Variants in PRKAR1A observed in about 807,000 individuals in gnomAD.
The protein encoded by PRKAR1A is cAMP-dependent protein kinase type I-alpha regulatory subunit.
PRKAR1A carries 3 observed loss-of-function variants against 52.0 expected under a neutral mutation model. The observed-to-expected ratio is 0.06, with a 90% CI of 0.03 to 0.15. The LOEUF is 0.15. PRKAR1A is among the 10% of genes least tolerant of loss of function. The probability of loss-of-function intolerance (pLI) is 1.00; values close to 1 mark genes in which losing one functional copy is unlikely to be tolerated. For missense variants in PRKAR1A, 240 were observed against 477.4 expected (o/e 0.50, Z 4.63); for synonymous variants, 188 against 168.4 (o/e 1.12, Z -0.90).
chr17:68,534,022 T>C (rs2086043381), downstream of PRKAR1A, among the ~76,000 whole-genome samples: 1 of 152,142 alleles, frequency 6.6e-6, no homozygotes, highest in South Asian at 2.1e-4. Context: ...AGCGTGCCCG[T>C]CTCCCAAAGG....
chr17:68,426,148 C>T, the PRKAR1A span: 27 of 1,612,058 alleles, frequency 1.7e-5, no homozygotes, highest in South Asian at 3.3e-5. Flanking sequence ...AACTTCTCCT[C>T]GCAGCGCCCC....
At chr17:68,515,860 A>G (rs2085416192) in intron 2 of PRKAR1A, 2 of 415,978 alleles carry the variant, frequency 4.8e-6, no homozygotes, top group Non-Finnish European at 8.9e-6. Flanking sequence ...TAGAACTATA[A>G]CAGATAAAAC....
chr17:68,507,694 T>C (rs1327742360), upstream of PRKAR1A, among the ~76,000 whole-genome samples: 1 of 152,044 alleles, frequency 6.6e-6, no homozygotes, highest in Admixed American at 6.6e-5. Context: ...AGGAAACCAC[T>C]ATCTTTTCAC....
At chr17:68,483,333 A>G in the PRKAR1A span, among the ~76,000 whole-genome samples, 1 of 151,970 alleles carries the variant, frequency 6.6e-6, no homozygotes, top group Non-Finnish European at 1.5e-5. Flanking sequence ...ATACAAAAAT[A>G]AGCTGGGCAT....
At chr17:68,527,588 A>G (rs992905925) in intron 7 of PRKAR1A, 3 of 455,088 alleles carry the variant, frequency 6.6e-6, no homozygotes, top group Non-Finnish European at 1.2e-5. Context: ...GAAATATGTC[A>G]ACATACTGGT....
At chr17:68,472,928 G>A in the PRKAR1A span, among the ~76,000 whole-genome samples, 1 of 152,024 alleles carries the variant, frequency 6.6e-6, no homozygotes, top group African/African-American at 2.4e-5. Flanking sequence ...CTGGGTGACA[G>A]AGTGATACTC....
At chr17:68,483,580 G>C in the PRKAR1A span, among the ~76,000 whole-genome samples, 428 of 152,268 alleles carry the variant, frequency 2.8e-3, 1 homozygote, top group African/African-American at 9.7e-3. Context: ...TCAATTGTCA[G>C]GCCAGGTGCG....
chr17:68,417,905 T>C, the PRKAR1A span, among the ~76,000 whole-genome samples: 1 of 151,906 alleles, frequency 6.6e-6, no homozygotes, highest in South Asian at 2.1e-4. Flanking sequence ...TAATTTTTTA[T>C]ATTTTTAGTA....
At chr17:68,542,919 G>C in intron 11 of PRKAR1A, 1 of 841,850 alleles carries the variant, frequency 1.2e-6, no homozygotes, top group African/African-American at 1.7e-5. Context: ...ACCCAGGAGG[G>C]TGGCCGGTGA....
At chr17:68,489,168 G>T in the PRKAR1A span, among the ~76,000 whole-genome samples, 4 of 115,304 alleles carry the variant, frequency 3.5e-5, no homozygotes, top group Non-Finnish European at 6.9e-5. Flanking sequence ...AATACTAAGT[G>T]AGCACCCATC....
rs2143414591 is a variant in PRKAR1A at position 68,533,374 on chromosome 17, C to A, written c.*2925C>A. On this transcript the variant is annotated 3_prime_UTR_variant, in exon 11 of 11. Coordinates refer to ENST00000589228, the MANE Select transcript of PRKAR1A (RefSeq NM_002734.5). ...CTTTTCTAGATTCAGTAATCCCTTC[C>A]CCCCGTCCTCTGGAGTATGAAACCT... 1 of 1,062,114 alleles carries A rather than the reference C, an allele frequency of 9.4e-7. No homozygotes were observed. Among genetic ancestry groups the A allele is most frequent in the Admixed American group, 5.4e-5 (1 of 18,650 alleles). The allele number at this position is 1,062,114 out of a possible 1,614,324, so 65.8% of individuals were successfully genotyped here.
rs571540610 is a variant in PRKAR1A, at chr17:68,528,783, A to G, written c.770-87A>G. ...ACTAGAATGTTGAATGGGCATGGCT[A>G]TTTGGTTGAATCTCTTTATACTTTC... On this transcript the variant is annotated intron_variant, in intron 8 of 10. Transcript: ENST00000589228. 31 of 1,535,098 alleles carry G rather than the reference A, an allele frequency of 2.0e-5. 1 individual carries two copies. The East Asian group carries it at 6.1e-4, about 30-fold the overall frequency.
intron 11 of PRKAR1A, among the ~76,000 whole-genome samples, chr17:68,550,876 A>G (rs1486429522): frequency 2.0e-5 from 3 of 152,234 alleles, no homozygotes; most frequent in Non-Finnish European, 4.4e-5. Context: ...TCGCCAAAGC[A>G]GTTGGGACTG....
chr17:68,540,733 G>T, intron 11 of PRKAR1A: 1 of 1,283,742 alleles, frequency 7.8e-7, no homozygotes, highest in Non-Finnish European at 1.1e-6. Flanking sequence ...GCTGTGGGAG[G>T]TGCAGAGTTA....
intron 7 of PRKAR1A, 23 bp downstream of exon 7, chr17:68,525,935 A>G (rs759585861): frequency 1.2e-5 from 19 of 1,612,462 alleles, no homozygotes. Flanking sequence ...GGTGTTTGAG[A>G]GTGTGATTTA....
chr17:68,524,341 A>G (rs1025542120), intron 5 of PRKAR1A, among the ~76,000 whole-genome samples: 4 of 152,200 alleles, frequency 2.6e-5, no homozygotes, highest in African/African-American at 9.6e-5. Context: ...TGAATGTCAT[A>G]TAGAATTGCA....
intron 2 of PRKAR1A, among the ~76,000 whole-genome samples, chr17:68,522,444 A>G (rs1054142853): frequency 9.9e-5 from 15 of 152,216 alleles, no homozygotes; most frequent in Admixed American, 2.0e-4. Flanking sequence ...TGCATCACAG[A>G]TAATTGTTGT....
Position 68,530,566 on chromosome 17 carries a change from CTG to C in PRKAR1A, c.*119_*120del, listed in dbSNP as rs2085948190. 2 of 1,585,464 alleles carry C rather than the reference CTG, an allele frequency of 1.3e-6. No homozygotes were observed. The highest frequency in any genetic ancestry group is 1.8e-5 in the Admixed American group (1 of 55,576). On this transcript the variant is annotated 3_prime_UTR_variant, in exon 11 of 11. Transcript: ENST00000589228. Reference sequence around the variant, plus strand: ...GGCCACTGGCATCGCAGCTTCCTGTCTGTTTATATATTGAAAGTTGCTTTTAT... The same window carrying C: ...GGCCACTGGCATCGCAGCTTCCTGTCTTTATATATTGAAAGTTGCTTTTAT...
chr17:68,426,254 G>GGGGGGGGGGGGGGT, the PRKAR1A span: 1 of 816,922 alleles, frequency 1.2e-6, no homozygotes, highest in Non-Finnish European at 1.9e-6. Context: ...GGGAGCGGGG[G>GGGGGGGGGGGGGGT]CTCAAATAAA....
Sources: allele counts gnomAD v4.1 joint callset (sites outside exome capture counted in the v4.1 genomes callset), GRCh38; gene constraint gnomAD v4.1.1; transcripts MANE v1.5; gene names NCBI Gene and HGNC (gene_info 2026-07-23, HGNC 2026-07-21).